Variants in UCKL1 observed in about 807,000 individuals in gnomAD.
UCKL1 encodes the protein uridine-cytidine kinase-like 1.
A neutral mutation model predicts 59.2 loss-of-function variants in UCKL1; 65 were observed. That is an observed-to-expected ratio of 1.10 (90% CI 0.90 to 1.35). The LOEUF (loss-of-function observed/expected upper bound fraction) is 1.35, where lower values mean the gene tolerates loss of function less well. Among genes scored for constraint, UCKL1 ranks in the 40% most tolerant of loss-of-function variants. UCKL1 has a pLI of 0.00. For synonymous variants in UCKL1, 410 were observed against 323.1 expected, an observed-to-expected ratio of 1.27 and a Z score of -2.88; for missense variants, 703 against 784.3, an observed-to-expected ratio of 0.90 and a Z score of 1.24.
intron 1 of UCKL1, chr20:63,950,883 G>T (rs184561072): frequency 1.4e-6 from 2 of 1,442,484 alleles, no homozygotes; most frequent in Admixed American, 2.8e-5. Flanking sequence ...GGGTGGATGC[G>T]TGGGGGCTCA....
intron 1 of UCKL1, chr20:63,954,500 C>G (rs1158998267): frequency 6.6e-6 from 1 of 152,266 alleles, no homozygotes; most frequent in East Asian, 1.9e-4. Context: ...CACAGACCTC[C>G]AAGCTGGAGC....
intron 1 of UCKL1, among the ~76,000 whole-genome samples, chr20:63,952,465 C>A (rs2057800685): frequency 6.6e-6 from 1 of 152,342 alleles, no homozygotes; most frequent in South Asian, 2.1e-4. Flanking sequence ...CCCAACATGC[C>A]CCTCCACGGG....
At chr20:63,951,305 T>G in intron 1 of UCKL1, 1 of 675,070 alleles carries the variant, frequency 1.5e-6, no homozygotes. Flanking sequence ...GGCTGGCACA[T>G]TCGGCCAGCC....
intron 1 of UCKL1, among the ~76,000 whole-genome samples, chr20:63,952,904 G>C (rs1487962468): frequency 1.3e-5 from 2 of 152,256 alleles, no homozygotes; most frequent in Non-Finnish European, 2.9e-5. Flanking sequence ...TAAAGTCCAA[G>C]GCAGATGCCT....
chr20:63,945,712 T>C lies in UCKL1; in HGVS notation c.593A>G (p.Tyr198Cys). 2 of 1,613,068 alleles carry C rather than the reference T, an allele frequency of 1.2e-6. No individual in the cohort carries two copies. Among genetic ancestry groups the C allele is most frequent in the Non-Finnish European group, 1.7e-6 (2 of 1,179,766 alleles). Residue 198 changes from tyrosine (Y) to cysteine (C), a missense_variant, in exon 5 of 15, where the codon TAT (tyrosine) becomes TGT (cysteine). Physicochemically the swap from Tyr to Cys is radical, Grantham distance 194 (BLOSUM62 -2). Coordinates refer to ENST00000354216, the MANE Select transcript of UCKL1 (RefSeq NM_017859.4). Reference protein sequence around the residue: ...HSRKKDWKTLYGANVIIFEGI... With the variant: ...HSRKKDWKTLCGANVIIFEGI... Reference sequence around the variant, plus strand: ...CTCAAAGATGATGACGTTTGCACCATACAGTGTTTTCTGTGAAGAAACCCA... The same window carrying C: ...CTCAAAGATGATGACGTTTGCACCACACAGTGTTTTCTGTGAAGAAACCCA...
At chr20:63,947,447 G>A (rs77827002) in intron 1 of UCKL1, among the ~76,000 whole-genome samples, 4,384 of 152,306 alleles carry the variant, frequency 0.029, 103 homozygotes, top group Non-Finnish European at 0.036. Flanking sequence ...GGGTGGAGGC[G>A]AGACCAGACC....
In UCKL1 at chr20:63,940,702, G is replaced by A. The variant is rs754665758; in HGVS notation, c.1194C>T (p.Ser398=). Residue 398 remains serine, a synonymous_variant, in exon 12 of 15, where the codon TCC becomes TCT. Transcript: ENST00000354216. ...CCATGGTTTCACCGGCGCGCAGAAT[G>A]GACACACCGGTGATCTGCGGGGAGG... ...CYAGKQITGV[S]ILRAGETMEP... 11 of 1,608,364 alleles carry A rather than the reference G, an allele frequency of 6.8e-6. No homozygotes were observed. Among genetic ancestry groups the A allele is most frequent in the Non-Finnish European group, 9.3e-6 (11 of 1,178,612 alleles).
intron 1 of UCKL1, among the ~76,000 whole-genome samples, chr20:63,947,881 G>A (rs763270661): frequency 2.0e-5 from 3 of 152,252 alleles, no homozygotes; most frequent in East Asian, 3.8e-4. Context: ...TCAGGCGCCT[G>A]CCAACTTCTC....
At chr20:63,951,110 G>A (rs1350674479) in intron 1 of UCKL1, 18 of 1,163,158 alleles carry the variant, frequency 1.5e-5, no homozygotes, top group Non-Finnish European at 1.9e-5. Context: ...GGAGGCCCTT[G>A]AAGCCTCCAC....
In UCKL1 at chr20:63,946,251, A is replaced by C; in HGVS notation, c.321T>G (p.Ser107Arg). ...EAFAIGLGGGSASGKTTVARM... is the reference protein window; with the variant it reads ...EAFAIGLGGGRASGKTTVARM... The stretch of plus-strand genomic sequence containing the variant: ...TGGCCACAGTGGTCTTCCCAGAGGC[A>C]CTGCCGCCTCCCAAGCCTGCCGGCG... Residue 107 changes from serine to arginine, a missense_variant, in exon 3 of 15, where the codon AGT (serine) becomes AGG (arginine). Physicochemically the swap from Ser to Arg is moderately radical, Grantham distance 110 (BLOSUM62 -1). Transcript: ENST00000354216. The C allele has an allele frequency of 1.3e-6, 2 of 1,598,464 alleles. No homozygotes were observed. The highest frequency in any genetic ancestry group is 1.1e-5 in the South Asian group (1 of 89,150).
Position 63,940,815 on chromosome 20 carries a change from G to C in UCKL1, c.1158C>G (p.Gly386=). The C allele has an allele frequency of 1.3e-6, 2 of 1,576,634 alleles. No individual in the cohort carries two copies. Among genetic ancestry groups the C allele is most frequent in the Non-Finnish European group, 1.7e-6 (2 of 1,162,726 alleles). The change falls in exon 11 of 15, where the codon GGC becomes GGG. Residue 386 remains glycine, a synonymous_variant. Transcript: ENST00000354216. ...VQTPQGQDYA[G]KCYAGKQITG... ...GTACCTGCTTCCCCGCATAGCACTT[G>C]CCCGCATAGTCCTGCCCCTGCGGGG...
At chr20:63,948,499 T>C (rs1025862872) in intron 1 of UCKL1, 1 of 140,552 alleles carries the variant, frequency 7.1e-6, no homozygotes, top group Non-Finnish European at 1.5e-5. Context: ...TGATTCCATC[T>C]GTATAAAATC....
intron 8 of UCKL1, 147 bp from the exon 9 acceptor site, chr20:63,941,355 G>T: frequency 7.9e-7 from 1 of 1,268,774 alleles, no homozygotes; most frequent in Non-Finnish European, 1.1e-6. Context: ...TCTGCCTGGG[G>T]CTGAGCTGGG....
At position 63,940,988 on chromosome 20, in the gene UCKL1, G is replaced by GC; in HGVS notation, c.1077dup (p.Leu360AlafsTer45). The GC allele has an allele frequency of 6.5e-7, 1 of 1,532,444 alleles. No homozygotes were observed. Among genetic ancestry groups the GC allele is most frequent in the Non-Finnish European group, 8.8e-7 (1 of 1,137,652 alleles). The allele number at this position is 1,532,444 out of a possible 1,614,324, so 94.9% of individuals were successfully genotyped here. ...AAGGAGAGCGCGTGCTCGATGAGCA[G>GC]CCGCATCAGTCTCTTGGAGTAGAAG... On this transcript the variant is annotated frameshift_variant, in exon 10 of 15. Coordinates refer to ENST00000354216, the MANE Select transcript of UCKL1 (RefSeq NM_017859.4). LOFTEE classifies it high-confidence loss of function.
Position 63,945,947 on chromosome 20 carries a change from G to T in UCKL1, c.440C>A (p.Ala147Asp), listed in dbSNP as rs1249284042. ...KVLTEQQQEQAAHNNFNFDHP... is the reference protein window; with the variant it reads ...KVLTEQQQEQDAHNNFNFDHP... ...GTCGAAGTTGAAGTTGTTGTGTGCG[G>T]CCTGTTCCTGCTGCTGCTCAGTCAG... Residue 147 changes from alanine to aspartate, a missense_variant, in exon 4 of 15, where the codon GCC becomes GAC. Ala to Asp is a moderately radical substitution (Grantham distance 126, BLOSUM62 -2). Coordinates refer to ENST00000354216, the MANE Select transcript of UCKL1 (RefSeq NM_017859.4). 6.2e-7 allele frequency: 1 copy of T among 1,613,826 alleles called. No homozygotes were observed. The highest frequency in any genetic ancestry group is 8.5e-7 in the Non-Finnish European group (1 of 1,179,978).
chr20:63,940,052 T>C lies in UCKL1; in HGVS notation c.1571A>G (p.Asn524Ser). ...DLFRIIPGIGNFGDRYFGTDA... is the reference protein window; with the variant it reads ...DLFRIIPGIGSFGDRYFGTDA... ...TGTCCCAAAGTAGCGGTCGCCAAAGTTCCCTGGAAAAAGGGGGGGGGGGGT... is the reference window on the plus strand; with the variant it reads ...TGTCCCAAAGTAGCGGTCGCCAAAGCTCCCTGGAAAAAGGGGGGGGGGGGT... Residue 524 changes from asparagine to serine, a missense_variant, in exon 15 of 15, where the codon AAC becomes AGC. Physicochemically the swap from Asn to Ser is conservative, Grantham distance 46. Around this residue, in one of 4 missense-constraint regions of UCKL1, gnomAD observed 124 missense variants for 161.1 expected, o/e 0.77. Transcript: ENST00000354216. 2.0e-6 allele frequency: 2 copies of C among 1,021,770 alleles called. No homozygotes were observed. Among genetic ancestry groups the C allele is most frequent in the Non-Finnish European group, 2.8e-6 (2 of 715,780 alleles). The allele number at this position is 1,021,770 out of a possible 1,614,324, so 63.3% of individuals were successfully genotyped here. A position where few individuals can be genotyped will look rare whatever the true frequency, so the allele number is the denominator to read the frequency against.
Position 63,944,591 on chromosome 20 carries a change from C to A in UCKL1, c.798G>T (p.Gln266His). The change falls in exon 6 of 15, where the codon CAG (glutamine) becomes CAT (histidine). Residue 266 changes from glutamine to histidine, a missense_variant. Around this residue, in one of 4 missense-constraint regions of UCKL1, gnomAD observed 398 missense variants for 373.0 expected, o/e 1.07. Transcript: ENST00000354216. ...CCAGGCGCATGGTGGGCTGGATGTA[C>A]TGGTCGAAGGAGGGCTTGACAAACT... The part of the protein sequence containing the change: ...YNKFVKPSFD[Q>H]YIQPTMRLAD... 1 of 1,612,982 alleles carries A rather than the reference C, an allele frequency of 6.2e-7. No individual in the cohort carries two copies. The highest frequency in any genetic ancestry group is 8.5e-7 in the Non-Finnish European group (1 of 1,179,818).
At chr20:63,947,594 C>G (rs1167429387) in intron 1 of UCKL1, among the ~76,000 whole-genome samples, 1 of 152,258 alleles carries the variant, frequency 6.6e-6, no homozygotes, top group East Asian at 1.9e-4. Context: ...TCGGCCTGGC[C>G]TCTCTGGCTG....
At chr20:63,946,026 A>G (rs750056299) in intron 3 of UCKL1, 51 bp from the exon 4 acceptor site, 11 of 1,611,626 alleles carry the variant, frequency 6.8e-6, no homozygotes, top group Non-Finnish European at 8.5e-6. Flanking sequence ...GCCCTCACCC[A>G]ATGCCAGCGG....
Sources: allele counts gnomAD v4.1 joint callset (sites outside exome capture counted in the v4.1 genomes callset), GRCh38; gene constraint gnomAD v4.1.1; regional missense constraint gnomAD v4.1.1; transcripts MANE v1.5; gene names NCBI Gene and HGNC (gene_info 2026-07-23, HGNC 2026-07-21).